GRID1: variants seen among roughly 807,000 people sequenced by gnomAD.
GRID1 encodes the protein glutamate receptor ionotropic, delta-1.
In GRID1, 28 loss-of-function variants were observed where a neutral mutation model predicts 98.0. The observed-to-expected ratio is 0.29, with a 90% CI of 0.21 to 0.39. GRID1 has a LOEUF of 0.39. Ranked by LOEUF, GRID1 falls within the 10% of genes least tolerant of loss-of-function variation. GRID1 has a pLI of 1.00. For missense variants in GRID1, 1,111 were observed against 1,340.5 expected, an observed-to-expected ratio of 0.83 and a Z score of 2.67; for synonymous variants, 553 against 538.5, an observed-to-expected ratio of 1.03 and a Z score of -0.37.
At chr10:85,712,802 C>T (rs1049465719) in intron 12 of GRID1, among the ~76,000 whole-genome samples, 1 of 151,528 alleles carries the variant, frequency 6.6e-6, no homozygotes, top group Non-Finnish European at 1.5e-5. Flanking sequence ...GGAAATTAAA[C>T]ACATCCCTGA....
chr10:85,672,622 G>A (rs1051540682), intron 12 of GRID1, among the ~76,000 whole-genome samples: 1 of 152,100 alleles, frequency 6.6e-6, no homozygotes, highest in Non-Finnish European at 1.5e-5. Context: ...CTCTGTAAAT[G>A]GAACAACAAG....
chr10:85,687,396 AG>A (rs1841281547), intron 12 of GRID1, among the ~76,000 whole-genome samples: 1 of 152,194 alleles, frequency 6.6e-6, no homozygotes, highest in African/African-American at 2.4e-5. Context: ...ACTTGGAGAG[AG>A]GGAAACATGT....
rs117159415 is a variant in GRID1, at chr10:85,984,184, C to T, written c.727-67945G>A. On this transcript the variant is annotated intron_variant, in intron 4 of 15. Transcript: ENST00000327946. ...GGCTTCATCCCTGCCTGCTCATCTC[C>T]CTTACTTTCTCACAAGGCTCCTAAT... is the stretch of plus-strand genomic sequence containing the variant. Among the ~76,000 whole-genome samples the T allele has an allele frequency of 2.6e-4, 39 of 152,264 alleles. No individual in the cohort carries two copies. The East Asian group carries it at 3.7e-3, about 14-fold the overall frequency.
At chr10:85,628,783 C>T (rs768248627) in intron 13 of GRID1, among the ~76,000 whole-genome samples, 1 of 152,192 alleles carries the variant, frequency 6.6e-6, no homozygotes, top group Non-Finnish European at 1.5e-5. Flanking sequence ...GAAAAAGCTG[C>T]TTTCCTGAGG....
intron 5 of GRID1, among the ~76,000 whole-genome samples, chr10:85,913,690 G>A (rs1841571673): frequency 1.6e-5 from 1 of 61,734 alleles, no homozygotes; most frequent in Non-Finnish European, 3.0e-5. Context: ...TCAGGAGGCT[G>A]AGGCAGGAGA....
chr10:85,657,031 C>A lies in GRID1; in HGVS notation c.1998-9634G>T, dbSNP rs1046411939. ...ATCTGGACCCCAATACATCTGCTCT[C>A]GCCGTACCAGCCTCCCTGCCCTCCC... On this transcript the variant is annotated intron_variant, in intron 12 of 15. Coordinates refer to ENST00000327946, the MANE Select transcript of GRID1 (RefSeq NM_017551.3). Among the ~76,000 whole-genome samples the A allele has an allele frequency of 2.0e-5, 3 of 152,254 alleles. No homozygotes were observed. In the East Asian group the frequency reaches 5.8e-4, roughly 29 times the overall value.
At chr10:85,790,439 G>T (rs1842467883) in intron 8 of GRID1, among the ~76,000 whole-genome samples, 1 of 152,264 alleles carries the variant, frequency 6.6e-6, no homozygotes, top group Non-Finnish European at 1.5e-5. Context: ...AACAAGGTCT[G>T]CATCTGTGAG....
chr10:85,643,941 A>G (rs567846164), intron 13 of GRID1: 3 of 152,326 alleles, frequency 2.0e-5, no homozygotes, highest in Admixed American at 2.0e-4. Flanking sequence ...AAGACTAAAT[A>G]TCACCAGACG....
intron 13 of GRID1, among the ~76,000 whole-genome samples, chr10:85,622,791 A>G (rs564099447): frequency 2.0e-5 from 3 of 152,286 alleles, no homozygotes; most frequent in Non-Finnish European, 2.9e-5. Flanking sequence ...GGGGAGTATA[A>G]CAGTGTGGAG....
At chr10:86,305,246 C>T (rs142280059) in intron 2 of GRID1, among the ~76,000 whole-genome samples, 2 of 152,178 alleles carry the variant, frequency 1.3e-5, no homozygotes, top group Admixed American at 6.5e-5. Context: ...AGAGCCTACA[C>T]TCATGTAAGC....
At chr10:85,882,504 C>T (rs923951103) in intron 5 of GRID1, among the ~76,000 whole-genome samples, 1 of 152,100 alleles carries the variant, frequency 6.6e-6, no homozygotes, top group African/African-American at 2.4e-5. Flanking sequence ...CCATCATTCT[C>T]AGCAAACTAT....
chr10:85,693,043 G>T (rs1424979651), intron 12 of GRID1, among the ~76,000 whole-genome samples: 1 of 152,140 alleles, frequency 6.6e-6, no homozygotes, highest in Admixed American at 6.5e-5. Context: ...ATTTTACAAA[G>T]AATTTTGTAC....
At chr10:85,852,174 A>G (rs1158926487) in intron 8 of GRID1, among the ~76,000 whole-genome samples, 1 of 152,238 alleles carries the variant, frequency 6.6e-6, no homozygotes, top group African/African-American at 2.4e-5. Context: ...TGCTAGGCAG[A>G]CAGATAACAA....
At chr10:85,709,050 C>T in intron 12 of GRID1, 1 of 322,588 alleles carries the variant, frequency 3.1e-6, no homozygotes, top group Non-Finnish European at 6.3e-6. Context: ...TACTTGGGTG[C>T]TATGATTCAC....
chr10:85,932,041 A>G (rs1841860791), intron 4 of GRID1, among the ~76,000 whole-genome samples: 1 of 152,220 alleles, frequency 6.6e-6, no homozygotes, highest in Non-Finnish European at 1.5e-5. Context: ...ATCTCTGCTT[A>G]ATTTTTCCTG....
At chr10:85,993,748 C>T (rs1842708672) in intron 4 of GRID1, among the ~76,000 whole-genome samples, 1 of 152,186 alleles carries the variant, frequency 6.6e-6, no homozygotes, top group African/African-American at 2.4e-5. Context: ...ATGAATTGTC[C>T]TATTTTATCC....
chr10:86,062,788 C>G (rs561259986), intron 4 of GRID1, among the ~76,000 whole-genome samples: 1 of 152,352 alleles, frequency 6.6e-6, no homozygotes, highest in South Asian at 2.1e-4. Flanking sequence ...AACCCCATGC[C>G]CAGCACCCGT....
intron 2 of GRID1, among the ~76,000 whole-genome samples, chr10:86,307,094 T>C (rs1347690620): frequency 6.6e-6 from 1 of 152,110 alleles, no homozygotes; most frequent in East Asian, 1.9e-4. Flanking sequence ...GGTAAGAATA[T>C]AAGTTGGTAA....
At chr10:85,679,129 G>A (rs1020283495) in intron 12 of GRID1, among the ~76,000 whole-genome samples, 3 of 152,158 alleles carry the variant, frequency 2.0e-5, no homozygotes, top group Admixed American at 2.0e-4. Context: ...CTCAGTGGTG[G>A]TGGGAGGCAG....
Sources: gnomAD v4.1 joint callset for allele counts (sites outside exome capture counted in the v4.1 genomes callset) on GRCh38, gnomAD v4.1.1 for gene constraint, MANE v1.5 for transcripts, NCBI Gene and HGNC (gene_info 2026-07-23, HGNC 2026-07-21) for gene names.